ALG8: variants seen among roughly 807,000 people sequenced by gnomAD.
ALG8 encodes ALG8 alpha-1,3-glucosyltransferase.
In ALG8, 48 loss-of-function variants were observed where a neutral mutation model predicts 70.2. The observed-to-expected ratio is 0.68, with a 90% CI of 0.54 to 0.87. The LOEUF is 0.87. Among genes scored for constraint, ALG8 ranks in the 40% least tolerant of loss-of-function variants. ALG8 has a pLI of 0.00. For synonymous variants in ALG8, 234 were observed against 229.0 expected, an observed-to-expected ratio of 1.02 and a Z score of -0.20; for missense variants, 572 against 608.7, an observed-to-expected ratio of 0.94 and a Z score of 0.64.
intron 9 of ALG8, among the ~76,000 whole-genome samples, chr11:78,108,775 C>G (rs1012037829): frequency 5.9e-5 from 9 of 152,194 alleles, no homozygotes; most frequent in African/African-American, 2.2e-4. Flanking sequence ...TAAGTGGAAT[C>G]AGGTGGTTGC....
At chr11:78,112,471 T>A in intron 8 of ALG8, 179 bp downstream of exon 8, 1 of 780,434 alleles carries the variant, frequency 1.3e-6, no homozygotes, top group Non-Finnish European at 2.1e-6. Context: ...AACAGTCTGT[T>A]TACTGCACTA....
intron 5 of ALG8, among the ~76,000 whole-genome samples, chr11:78,116,447 G>T (rs1386421263): frequency 1.3e-5 from 2 of 151,738 alleles, no homozygotes; most frequent in East Asian, 1.9e-4. Flanking sequence ...TGGCTGGGTG[G>T]GGTGGCTGAC....
intron 1 of ALG8, chr11:78,139,111 T>C: frequency 2.8e-6 from 1 of 359,224 alleles, no homozygotes; most frequent in Non-Finnish European, 5.3e-6. Context: ...CCCACCAACT[T>C]CGAGGGCAAG....
chr11:78,101,275 C>T, intron 12 of ALG8, 80 bp from the exon 13 acceptor site: 1 of 1,142,572 alleles, frequency 8.8e-7, no homozygotes. Context: ...AAAGCTTCCC[C>T]ATCTGCACTG....
chr11:78,118,878 C>T (rs604971), intron 5 of ALG8, among the ~76,000 whole-genome samples: 28,838 of 152,144 alleles, frequency 0.19, 3,103 homozygotes, highest in Middle Eastern at 0.29. Flanking sequence ...GATTGCACCA[C>T]TGTACTCCAG....
Position 78,104,410 on chromosome 11 carries a change from T to C in ALG8, c.1222A>G (p.Ile408Val), listed in dbSNP as rs776037621. 1 of 1,600,350 alleles carries C rather than the reference T, an allele frequency of 6.2e-7. No homozygotes were observed. The highest frequency in any genetic ancestry group is 1.1e-5 in the South Asian group (1 of 88,152). ...GKAGDASIFL[I>V]LTTTGHYSLF... ...GAATAATGTCCTGTTGTGGTCAGAA[T>C]CAGAAAAATCGAAGCGTCTCCTGCT... is the stretch of plus-strand genomic sequence containing the variant. Residue 408 changes from isoleucine (I) to valine (V), a missense_variant, in exon 11 of 13, where the codon ATT becomes GTT. Ile to Val is a conservative substitution (Grantham distance 29). Coordinates refer to ENST00000299626, the MANE Select transcript of ALG8 (RefSeq NM_024079.5).
At chr11:78,113,862 A>G (rs748987663) in intron 7 of ALG8, 24 bp downstream of exon 7, 26 of 239,738 alleles carry the variant, frequency 1.1e-4, no homozygotes, top group South Asian at 6.6e-4. Flanking sequence ...GTATTAATTG[A>G]AAAAAAAAAA....
At chr11:78,106,578 G>A (rs552206954) in intron 10 of ALG8, among the ~76,000 whole-genome samples, 2 of 152,100 alleles carry the variant, frequency 1.3e-5, no homozygotes, top group Admixed American at 6.5e-5. Flanking sequence ...TCACTACAGT[G>A]CTTCTTTCCA....
At chr11:78,109,625 A>G in intron 8 of ALG8, 44 bp from the exon 9 acceptor site, 4 of 1,538,502 alleles carry the variant, frequency 2.6e-6, no homozygotes, top group Non-Finnish European at 3.6e-6. Flanking sequence ...TATCTTTATT[A>G]CTGAGATACC....
At chr11:78,126,827 C>T (rs1301927711) in intron 2 of ALG8, among the ~76,000 whole-genome samples, 2 of 152,124 alleles carry the variant, frequency 1.3e-5, no homozygotes, top group African/African-American at 2.4e-5. Context: ...TCCCAGTCCA[C>T]TATTCTTTCA....
chr11:78,129,196 G>A (rs893757692), intron 1 of ALG8, among the ~76,000 whole-genome samples: 3 of 151,492 alleles, frequency 2.0e-5, no homozygotes. Flanking sequence ...TGAGGCAGGC[G>A]GATCACGAGG....
chr11:78,115,025 T>TTTTTA (rs562509326), intron 5 of ALG8, among the ~76,000 whole-genome samples: 228 of 152,166 alleles, frequency 1.5e-3, no homozygotes, highest in Non-Finnish European at 2.8e-3. Flanking sequence ...CTTTTTTAAA[T>TTTTTA]TTTTATTTTA....
At chr11:78,125,125 C>T (rs576524) in intron 2 of ALG8, among the ~76,000 whole-genome samples, 32,932 of 151,470 alleles carry the variant, frequency 0.22, 4,425 homozygotes, top group African/African-American at 0.38. Context: ...CTCCGCCTCC[C>T]GGGTTCACAC....
At chr11:78,104,963 CAAA>C (rs35118926) in intron 10 of ALG8, among the ~76,000 whole-genome samples, 11 of 104,118 alleles carry the variant, frequency 1.1e-4, no homozygotes, top group Admixed American at 3.2e-4. Flanking sequence ...GACTCTGTCT[CAAA>C]AAAAAAAAAA....
At chr11:78,102,140 A>C (rs1265630788) in intron 12 of ALG8, among the ~76,000 whole-genome samples, 1 of 152,232 alleles carries the variant, frequency 6.6e-6, no homozygotes, top group Non-Finnish European at 1.5e-5. Flanking sequence ...GGTATTAAGT[A>C]GATCAATAAT....
In ALG8 at chr11:78,127,396, T is replaced by A. The variant is rs778145721; in HGVS notation, c.136A>T (p.Ile46Phe). The change falls in exon 2 of 13, where the codon ATC becomes TTC. Residue 46 changes from isoleucine to phenylalanine, a missense_variant. Physicochemically the swap from Ile to Phe is conservative, Grantham distance 21. Coordinates refer to ENST00000299626, the MANE Select transcript of ALG8 (RefSeq NM_024079.5). ...DFEVHRNWLA[I>F]THSLPISQWY... Reference sequence around the variant, plus strand: ...TGTGATATTGGCAAACTGTGAGTGATAGCAAGCCAGTTTCGGTGTACTTCA... The same window carrying A: ...TGTGATATTGGCAAACTGTGAGTGAAAGCAAGCCAGTTTCGGTGTACTTCA... The A allele has an allele frequency of 6.2e-7, 1 of 1,613,886 alleles. No homozygotes were observed. Among genetic ancestry groups the A allele is most frequent in the Admixed American group, 1.7e-5 (1 of 59,992 alleles).
At chr11:78,107,095 C>A in intron 9 of ALG8, 149 bp from the exon 10 acceptor site, 1 of 1,028,110 alleles carries the variant, frequency 9.7e-7, no homozygotes, top group Non-Finnish European at 1.4e-6. Context: ...TCACTTTGTG[C>A]ACAGTCTAAC....
At chr11:78,138,639 G>A in intron 1 of ALG8, 1 of 447,798 alleles carries the variant, frequency 2.2e-6, no homozygotes, top group South Asian at 1.6e-5. Context: ...AAAGGGATGA[G>A]GGAGAAAAAG....
In ALG8 at chr11:78,126,331, G is replaced by C. The variant is rs374140435; in HGVS notation, c.174+1027C>G. The stretch of plus-strand genomic sequence containing the variant: ...GGATCACCTGAGGTCCGGAGTTCGA[G>C]ACCAGCCTGGCCAACATGGGGAAAC... On this transcript the variant is annotated intron_variant, in intron 2 of 12. Coordinates refer to ENST00000299626, the MANE Select transcript of ALG8 (RefSeq NM_024079.5). 1.7e-3 allele frequency among the ~76,000 whole-genome samples: 262 copies of C among 151,734 alleles called. 2 individuals are homozygous for C. Among genetic ancestry groups the C allele is most frequent in the African/African-American group, 6.1e-3 (253 of 41,378 alleles).
Sources: gnomAD v4.1 joint callset for allele counts (sites outside exome capture counted in the v4.1 genomes callset) on GRCh38, gnomAD v4.1.1 for gene constraint, MANE v1.5 for transcripts, NCBI Gene and HGNC (gene_info 2026-07-23, HGNC 2026-07-21) for gene names.